MYOZ2: variants seen among roughly 807,000 people sequenced by gnomAD.
The protein encoded by MYOZ2 is myozenin 2.
MYOZ2 carries 19 observed loss-of-function variants against 25.4 expected under a neutral mutation model. The ratio of observed to expected loss-of-function variants is 0.75; its 90% CI spans 0.52 to 1.10. MYOZ2 has a LOEUF of 1.10. Among genes scored for constraint, MYOZ2 ranks in the 50% least tolerant of loss-of-function variants. The pLI is 0.00. For synonymous variants in MYOZ2, 92 were observed against 106.9 expected (o/e 0.86, Z 0.86); for missense variants, 270 against 317.9 (o/e 0.85, Z 1.15).
Position 119,186,178 on chromosome 4 carries a change from T to A in MYOZ2, c.773T>A (p.Val258Glu), listed in dbSNP as rs760620614. The A allele has an allele frequency of 1.1e-5, 18 of 1,612,728 alleles. No homozygotes were observed. The highest frequency in any genetic ancestry group is 1.4e-5 in the Non-Finnish European group (17 of 1,178,818). Residue 258 changes from valine to glutamate, a missense_variant, in exon 6 of 6, where the codon GTA (valine) becomes GAA (glutamate). Physicochemically the swap from Val to Glu is moderately radical, Grantham distance 121 (BLOSUM62 -2). Coordinates refer to ENST00000307128, the MANE Select transcript of MYOZ2 (RefSeq NM_016599.5). ...ITTEPTDDTT[V>E]PESEDL The stretch of plus-strand genomic sequence containing the variant: ...ACCGAACCTACAGATGATACCACTG[T>A]ACCAGAATCAGAAGACCTATGAAAA...
chr4:119,143,073 T>C (rs1439631012), intron 2 of MYOZ2, among the ~76,000 whole-genome samples: 1 of 152,182 alleles, frequency 6.6e-6, no homozygotes, highest in Non-Finnish European at 1.5e-5. Flanking sequence ...AAAAGGGGGC[T>C]GAATTCATCT....
intron 5 of MYOZ2, among the ~76,000 whole-genome samples, chr4:119,172,776 A>AATTTCTCCCAAAGTTAGTTTGGCCT (rs1741973531): frequency 6.6e-6 from 1 of 152,222 alleles, no homozygotes; most frequent in African/African-American, 2.4e-5. Flanking sequence ...TTAAACCATA[A>AATTTCTCCCAAAGTTAGTTTGGCCT]ATTTCTCCCA....
chr4:119,167,195 G>T (rs1007315252), intron 5 of MYOZ2, among the ~76,000 whole-genome samples: 1 of 152,170 alleles, frequency 6.6e-6, no homozygotes, highest in Non-Finnish European at 1.5e-5. Flanking sequence ...AAAATGATAA[G>T]TGCTACTCCA....
chr4:119,160,318 GTT>G (rs36015423), intron 4 of MYOZ2, among the ~76,000 whole-genome samples: 2,873 of 148,270 alleles, frequency 0.019, 97 homozygotes, highest in African/African-American at 0.067. Flanking sequence ...ACTTTTTGGA[GTT>G]TTTTTTTTTT....
chr4:119,148,546 C>G (rs9999257), intron 2 of MYOZ2, among the ~76,000 whole-genome samples: 3 of 152,000 alleles, frequency 2.0e-5, no homozygotes, highest in African/African-American at 4.8e-5. Context: ...GTTTTCAAGT[C>G]TATTTTTCTC....
At chr4:119,184,046 C>A (rs144052782) in intron 5 of MYOZ2, among the ~76,000 whole-genome samples, 1 of 152,090 alleles carries the variant, frequency 6.6e-6, no homozygotes, top group Non-Finnish European at 1.5e-5. Flanking sequence ...AACTCCCGAC[C>A]TCAGGTGATC....
intron 2 of MYOZ2, 90 bp from the exon 3 acceptor site, chr4:119,150,782 A>G (rs1741429432): frequency 7.7e-7 from 1 of 1,294,440 alleles, no homozygotes; most frequent in Admixed American, 1.8e-5. Flanking sequence ...ATGCAATTAG[A>G]AAGTGGTGGA....
intron 3 of MYOZ2, 46 bp downstream of exon 3, chr4:119,151,087 T>G: frequency 1.3e-6 from 2 of 1,529,484 alleles, no homozygotes; most frequent in Non-Finnish European, 1.8e-6. Context: ...TGCGCAATAT[T>G]TCTAAATTTG....
intron 5 of MYOZ2, among the ~76,000 whole-genome samples, chr4:119,176,490 TGGGATTACA>T (rs1374860561): frequency 6.6e-6 from 1 of 152,176 alleles, no homozygotes; most frequent in African/African-American, 2.4e-5. Flanking sequence ...CCGAAAGTAC[TGGGATTACA>T]GGCATGAGCC....
intron 2 of MYOZ2, among the ~76,000 whole-genome samples, chr4:119,146,350 A>T (rs1741292213): frequency 1.3e-5 from 2 of 150,440 alleles, no homozygotes; most frequent in African/African-American, 2.4e-5. Flanking sequence ...TTCTTTTTTA[A>T]CTGTGCATTT....
chr4:119,185,824 T>C, intron 5 of MYOZ2, 142 bp from the exon 6 acceptor site: 1 of 710,914 alleles, frequency 1.4e-6, no homozygotes, highest in South Asian at 1.8e-5. Flanking sequence ...AAAATGACAG[T>C]CATTCATAGA....
At chr4:119,136,283 A>C (rs554859636) in intron 1 of MYOZ2, among the ~76,000 whole-genome samples, 1 of 152,314 alleles carries the variant, frequency 6.6e-6, no homozygotes, top group Non-Finnish European at 1.5e-5. Context: ...TCACTGCCTG[A>C]TGATCATTGT....
chr4:119,170,424 C>T (rs951081171), intron 5 of MYOZ2, among the ~76,000 whole-genome samples: 6 of 152,032 alleles, frequency 3.9e-5, no homozygotes, highest in African/African-American at 1.4e-4. Flanking sequence ...GGGCAGGGAC[C>T]ATGGATAGAG....
intron 5 of MYOZ2, among the ~76,000 whole-genome samples, chr4:119,167,969 A>C (rs1741860265): frequency 6.6e-6 from 1 of 151,968 alleles, no homozygotes; most frequent in African/African-American, 2.4e-5. Flanking sequence ...ACGGAGATTA[A>C]TGTTTTGTTT....
rs568984621 is a variant in MYOZ2, at chr4:119,186,924, A to G, written c.*724A>G. The G allele has an allele frequency of 2.6e-5, 4 of 152,372 alleles. No individual in the cohort carries two copies. Among genetic ancestry groups the G allele is most frequent in the African/African-American group, 9.6e-5 (4 of 41,586 alleles). 9.4% of individuals were successfully genotyped at this position (152,372 alleles called of 1,614,324 possible). On this transcript the variant is annotated 3_prime_UTR_variant, in exon 6 of 6. Transcript: ENST00000307128. ...CAGAATTCAAGTTTCACAAATCCCA[A>G]TGCTGTGCATTGATTATGTTCAACT...
intron 2 of MYOZ2, among the ~76,000 whole-genome samples, chr4:119,148,725 A>AT (rs202187477): frequency 0.049 from 3,288 of 67,048 alleles, 246 homozygotes; most frequent in African/African-American, 0.12. Flanking sequence ...CTCGACTGAG[A>AT]TTTTTTTTTT....
At chr4:119,167,518 T>G (rs1255607610) in intron 5 of MYOZ2, among the ~76,000 whole-genome samples, 2 of 152,184 alleles carry the variant, frequency 1.3e-5, no homozygotes, top group East Asian at 3.8e-4. Flanking sequence ...ATCCAGAAGA[T>G]CTAGCTAAGA....
At chr4:119,138,179 A>G (rs1741075814) in intron 2 of MYOZ2, among the ~76,000 whole-genome samples, 1 of 152,202 alleles carries the variant, frequency 6.6e-6, no homozygotes, top group African/African-American at 2.4e-5. Flanking sequence ...TCTCACCACC[A>G]GTAAATCCTA....
intron 5 of MYOZ2, among the ~76,000 whole-genome samples, chr4:119,183,529 G>A (rs1160323126): frequency 6.6e-6 from 1 of 152,070 alleles, no homozygotes; most frequent in Non-Finnish European, 1.5e-5. Flanking sequence ...CTGCATGATT[G>A]ACCTCTCCAC....
Sources: allele counts gnomAD v4.1 joint callset (sites outside exome capture counted in the v4.1 genomes callset), GRCh38; gene constraint gnomAD v4.1.1; transcripts MANE v1.5; gene names NCBI Gene and HGNC (gene_info 2026-07-23, HGNC 2026-07-21).